The following RALGPS1 variants were observed in gnomAD, a reference collection of about 807,000 sequenced individuals.
The protein encoded by RALGPS1 is Ral GEF with PH domain and SH3 binding motif 1.
Under a neutral mutation model 78.8 loss-of-function variants are expected in RALGPS1, and 19 were observed. The ratio of observed to expected loss-of-function variants is 0.24; its 90% CI spans 0.17 to 0.35. The LOEUF (loss-of-function observed/expected upper bound fraction) is 0.35. Among genes scored for constraint, RALGPS1 ranks in the 10% least tolerant of loss-of-function variants. The pLI is 1.00. For missense variants in RALGPS1, 454 were observed against 688.3 expected, an observed-to-expected ratio of 0.66 and a Z score of 3.81; for synonymous variants, 228 against 256.3, an observed-to-expected ratio of 0.89 and a Z score of 1.06.
intron 8 of RALGPS1, chr9:127,108,848 TC>T: frequency 2.6e-6 from 3 of 1,147,720 alleles, no homozygotes; most frequent in Admixed American, 5.6e-5. Flanking sequence ...CCATCAGTGA[TC>T]CCAGCCTTCT....
chr9:127,109,901 A>T (rs931364252), intron 8 of RALGPS1, among the ~76,000 whole-genome samples: 1 of 152,164 alleles, frequency 6.6e-6, no homozygotes, highest in Admixed American at 6.5e-5. Context: ...AGTAGGAGTT[A>T]AATGGGCCAA....
intron 14 of RALGPS1, among the ~76,000 whole-genome samples, chr9:127,210,012 CAGAG>C (rs1168128547): frequency 1.3e-5 from 2 of 152,220 alleles, no homozygotes; most frequent in Non-Finnish European, 2.9e-5. Context: ...TCTTCTAAGA[CAGAG>C]AGGCTAAAGG....
intron 4 of RALGPS1, among the ~76,000 whole-genome samples, chr9:127,017,597 C>G (rs62580803): frequency 0.027 from 4,177 of 152,152 alleles, 51 homozygotes; most frequent in Middle Eastern, 0.048. Context: ...ATAAATTAAC[C>G]TTAGCTTACT....
chr9:127,111,319 C>T (rs958445071), intron 8 of RALGPS1, among the ~76,000 whole-genome samples: 2 of 152,220 alleles, frequency 1.3e-5, no homozygotes, highest in African/African-American at 4.8e-5. Context: ...CTCCAGTGTC[C>T]TTATCACCAT....
chr9:127,035,275 T>TGATCCCTG (rs2046769727), intron 5 of RALGPS1, among the ~76,000 whole-genome samples: 3 of 152,202 alleles, frequency 2.0e-5, no homozygotes, highest in African/African-American at 7.2e-5. Flanking sequence ...CCTGATGGCC[T>TGATCCCTG]GATCCCTGGC....
At chr9:126,958,467 T>A (rs922254946) in intron 1 of RALGPS1, among the ~76,000 whole-genome samples, 4 of 152,176 alleles carry the variant, frequency 2.6e-5, no homozygotes, top group Non-Finnish European at 5.9e-5. Flanking sequence ...TGTGCACTTT[T>A]GTCGCTCTAA....
At chr9:127,179,395 C>T (rs911118359) in intron 11 of RALGPS1, among the ~76,000 whole-genome samples, 1 of 152,250 alleles carries the variant, frequency 6.6e-6, no homozygotes, top group Admixed American at 6.5e-5. Flanking sequence ...CTTTCTGGAC[C>T]TGGCAGCCAG....
intron 8 of RALGPS1, among the ~76,000 whole-genome samples, chr9:127,096,359 C>T (rs2053138880): frequency 1.3e-5 from 2 of 152,196 alleles, no homozygotes; most frequent in African/African-American, 4.8e-5. Context: ...CAGGAGAGGC[C>T]GTTCGATGTG....
intron 1 of RALGPS1, among the ~76,000 whole-genome samples, chr9:126,947,225 C>T (rs2037359556): frequency 6.6e-6 from 1 of 152,174 alleles, no homozygotes; most frequent in Non-Finnish European, 1.5e-5. Context: ...TGAATCCACG[C>T]TACCTGCCAG....
At chr9:127,164,394 C>T (rs1030662801) in intron 8 of RALGPS1, among the ~76,000 whole-genome samples, 4 of 151,886 alleles carry the variant, frequency 2.6e-5, no homozygotes, top group African/African-American at 4.8e-5. Context: ...CACCACCACA[C>T]GTGACTAATT....
chr9:127,076,450 A>G (rs1264544056), intron 8 of RALGPS1, among the ~76,000 whole-genome samples: 1 of 152,234 alleles, frequency 6.6e-6, no homozygotes, highest in Non-Finnish European at 1.5e-5. Flanking sequence ...TAGTAAATTT[A>G]CCCAGACTTC....
chr9:127,048,059 G>A (rs1343930576), intron 5 of RALGPS1, among the ~76,000 whole-genome samples: 1 of 152,002 alleles, frequency 6.6e-6, no homozygotes, highest in African/African-American at 2.4e-5. Context: ...CCTTGCAAAG[G>A]ATCTCATCTA....
chr9:127,129,183 A>G lies in RALGPS1; in HGVS notation c.611-36886A>G, dbSNP rs566973221. Among the ~76,000 whole-genome samples the G allele has an allele frequency of 2.5e-4, 38 of 152,286 alleles. No homozygotes were observed. The South Asian group carries it at 7.7e-3, about 31-fold the overall frequency. ...ATTTTAAGGCGTGTCCAGCTCTCTC[A>G]TACCATAGCTGGTGCATGGCCCCAT... On this transcript the variant is annotated intron_variant, in intron 8 of 18. Coordinates refer to ENST00000259351, the MANE Select transcript of RALGPS1 (RefSeq NM_014636.3).
chr9:127,191,697 T>G (rs1433420937), intron 11 of RALGPS1, among the ~76,000 whole-genome samples: 1 of 120,334 alleles, frequency 8.3e-6, no homozygotes, highest in African/African-American at 2.9e-5. Context: ...TGGGTTTTTT[T>G]TTGTTTTTTT....
At chr9:127,036,344 A>G (rs181075594) in intron 5 of RALGPS1, among the ~76,000 whole-genome samples, 6 of 152,306 alleles carry the variant, frequency 3.9e-5, no homozygotes, top group Non-Finnish European at 8.8e-5. Flanking sequence ...TTCCTGGCAG[A>G]ATTTTATGTG....
intron 4 of RALGPS1, among the ~76,000 whole-genome samples, chr9:126,993,103 A>G (rs1420456212): frequency 1.3e-5 from 2 of 152,198 alleles, no homozygotes; most frequent in Admixed American, 6.5e-5. Flanking sequence ...AGTTTTATCA[A>G]ATGCTTTTCC....
At chr9:127,011,664 T>C (rs1166684489) in intron 4 of RALGPS1, among the ~76,000 whole-genome samples, 2 of 152,160 alleles carry the variant, frequency 1.3e-5, no homozygotes, top group African/African-American at 4.8e-5. Flanking sequence ...CTGAGACAGT[T>C]AGGTTGACTC....
chr9:127,068,278 C>A (rs2135816796), intron 7 of RALGPS1, among the ~76,000 whole-genome samples: 1 of 152,296 alleles, frequency 6.6e-6, no homozygotes, highest in African/African-American at 2.4e-5. Context: ...CGAGTGGTGG[C>A]TTGGCTTTGT....
chr9:126,988,507 A>G (rs2042006324), intron 4 of RALGPS1, among the ~76,000 whole-genome samples: 1 of 152,210 alleles, frequency 6.6e-6, no homozygotes, highest in Admixed American at 6.5e-5. Context: ...CCTGGGCTGA[A>G]GCAATCCTCC....
Sources: gnomAD v4.1 joint callset for allele counts (sites outside exome capture counted in the v4.1 genomes callset) on GRCh38, gnomAD v4.1.1 for gene constraint, MANE v1.5 for transcripts, NCBI Gene and HGNC (gene_info 2026-07-23, HGNC 2026-07-21) for gene names.